Variants in LRRFIP1 observed in about 807,000 individuals in gnomAD.
LRRFIP1 encodes the protein leucine-rich repeat flightless-interacting protein 1.
A neutral mutation model predicts 104.4 loss-of-function variants in LRRFIP1; 62 were observed. The ratio of observed to expected loss-of-function variants is 0.59; its 90% CI spans 0.48 to 0.73. The LOEUF (loss-of-function observed/expected upper bound fraction) is 0.73. Among genes scored for constraint, LRRFIP1 ranks in the 30% least tolerant of loss-of-function variants. LRRFIP1 has a pLI of 0.00. For synonymous variants in LRRFIP1, 300 were observed against 299.0 expected, an observed-to-expected ratio of 1.00 and a Z score of -0.03; for missense variants, 796 against 824.5, an observed-to-expected ratio of 0.97 and a Z score of 0.42.
chr2:237,692,278 C>T, intron 1 of LRRFIP1: 1 of 1,173,984 alleles, frequency 8.5e-7, no homozygotes, highest in Non-Finnish European at 1.1e-6. Flanking sequence ...CCGAGCCCAG[C>T]GCCGCGAGCC....
chr2:237,730,745 C>T (rs1158286827), intron 8 of LRRFIP1, among the ~76,000 whole-genome samples: 6 of 152,244 alleles, frequency 3.9e-5, no homozygotes, highest in African/African-American at 1.4e-4. Flanking sequence ...GATGAAACCC[C>T]GTCTCTACTA....
intron 1 of LRRFIP1, among the ~76,000 whole-genome samples, chr2:237,628,967 C>T (rs2149219613): frequency 6.6e-6 from 1 of 152,330 alleles, no homozygotes; most frequent in African/African-American, 2.4e-5. Flanking sequence ...CTGTGACCTC[C>T]AGGAGACCTT....
chr2:237,651,761 A>T (rs1397586685), intron 1 of LRRFIP1, among the ~76,000 whole-genome samples: 1 of 152,272 alleles, frequency 6.6e-6, no homozygotes, highest in East Asian at 1.9e-4. Flanking sequence ...ATCTATTTTA[A>T]TAATATATTT....
At chr2:237,650,934 C>T (rs1433693782) in intron 1 of LRRFIP1, among the ~76,000 whole-genome samples, 1 of 152,134 alleles carries the variant, frequency 6.6e-6, no homozygotes, top group African/African-American at 2.4e-5. Flanking sequence ...CTGCTGGGCA[C>T]TCGGCCCTCA....
intron 16 of LRRFIP1, 93 bp downstream of exon 16, chr2:237,756,280 A>G (rs2059254914): frequency 1.2e-6 from 1 of 866,402 alleles, no homozygotes; most frequent in Non-Finnish European, 1.9e-6. Context: ...CAGTAATAAA[A>G]TACCATACAC....
rs1384110134 is a variant in LRRFIP1, at chr2:237,756,118, C to T, written c.1062C>T (p.Ala354=). 15 of 1,613,760 alleles carry T rather than the reference C, an allele frequency of 9.3e-6. No individual in the cohort carries two copies. The highest frequency in any genetic ancestry group is 1.3e-5 in the Non-Finnish European group (15 of 1,179,800). The change falls in exon 16 of 24, where the codon GCC becomes GCT. Residue 354 remains alanine (A), a synonymous_variant. Coordinates refer to ENST00000308482, the MANE Select transcript of LRRFIP1 (RefSeq NM_001137550.2). Reference sequence around the variant, plus strand: ...AGGAATTTGAAAGGGAAAAACACGCCCACAGTATACTGCAATTTCAGTTTG... The same window carrying T: ...AGGAATTTGAAAGGGAAAAACACGCTCACAGTATACTGCAATTTCAGTTTG... The part of the protein sequence containing the change: ...KNKEFEREKH[A]HSILQFQFAE...
At chr2:237,770,290 A>T (rs2060506393) in intron 20 of LRRFIP1, 1 of 309,156 alleles carries the variant, frequency 3.2e-6, no homozygotes, top group South Asian at 4.4e-5. Context: ...ATAAATGTTG[A>T]TTATTAATAA....
chr2:237,707,862 A>G (rs1343633195), intron 1 of LRRFIP1, among the ~76,000 whole-genome samples: 1 of 152,246 alleles, frequency 6.6e-6, no homozygotes, highest in East Asian at 1.9e-4. Context: ...AAGGACTCCA[A>G]CAGCTAGAAC....
intron 7 of LRRFIP1, among the ~76,000 whole-genome samples, chr2:237,724,857 G>A (rs1439417726): frequency 6.6e-6 from 1 of 151,922 alleles, no homozygotes; most frequent in Non-Finnish European, 1.5e-5. Context: ...AATGCATCAG[G>A]GATCGAACTC....
intron 1 of LRRFIP1, among the ~76,000 whole-genome samples, chr2:237,647,832 GC>G (rs2085221453): frequency 6.6e-6 from 1 of 151,920 alleles, no homozygotes; most frequent in Admixed American, 6.5e-5. Context: ...TCGCCCTGTG[GC>G]CGGCCACTCA....
intron 1 of LRRFIP1, among the ~76,000 whole-genome samples, chr2:237,683,090 C>A (rs1202381214): frequency 6.6e-6 from 1 of 152,196 alleles, no homozygotes; most frequent in Admixed American, 6.5e-5. Flanking sequence ...CAGCCGCCCA[C>A]GACAAGGAAC....
intron 14 of LRRFIP1, 103 bp from the exon 15 acceptor site, chr2:237,753,206 A>G (rs1287597539): frequency 2.6e-6 from 2 of 777,776 alleles, no homozygotes; most frequent in Non-Finnish European, 3.9e-6. Context: ...TAAGAAATAT[A>G]GTCTAAGTTT....
At chr2:237,632,005 C>T (rs1017897990) in intron 1 of LRRFIP1, among the ~76,000 whole-genome samples, 4 of 152,354 alleles carry the variant, frequency 2.6e-5, no homozygotes, top group South Asian at 2.1e-4. Flanking sequence ...CTGCCCCACC[C>T]GGCTGCTTCA....
intron 10 of LRRFIP1, among the ~76,000 whole-genome samples, chr2:237,738,957 C>T (rs931005225): frequency 4.6e-5 from 7 of 152,262 alleles, no homozygotes; most frequent in Admixed American, 6.5e-5. Context: ...TGTGACTGCA[C>T]ACCCAATTGA....
chr2:237,750,523 G>A (rs1197937648), intron 13 of LRRFIP1, among the ~76,000 whole-genome samples: 14 of 151,882 alleles, frequency 9.2e-5, no homozygotes, highest in African/African-American at 3.4e-4. Context: ...TTTTAGTGGA[G>A]ACGGGGTTTC....
intron 1 of LRRFIP1, chr2:237,692,247 C>T (rs895374979): frequency 3.0e-5 from 34 of 1,132,580 alleles, no homozygotes; most frequent in South Asian, 8.8e-5. Context: ...GCCACCTGCG[C>T]CCCGCCCCTG....
At chr2:237,642,364 C>T (rs1337651616) in intron 1 of LRRFIP1, among the ~76,000 whole-genome samples, 1 of 151,992 alleles carries the variant, frequency 6.6e-6, no homozygotes, top group Non-Finnish European at 1.5e-5. Context: ...GGTTCCCAGT[C>T]CCAGGTTCTA....
intron 8 of LRRFIP1, among the ~76,000 whole-genome samples, chr2:237,730,417 C>G (rs1438196169): frequency 2.0e-5 from 3 of 152,164 alleles, no homozygotes; most frequent in Non-Finnish European, 4.4e-5. Context: ...CACATTTACT[C>G]AGCAAAATTG....
At chr2:237,650,071 C>A (rs944411391) in intron 1 of LRRFIP1, among the ~76,000 whole-genome samples, 2 of 152,010 alleles carry the variant, frequency 1.3e-5, no homozygotes, top group Non-Finnish European at 2.9e-5. Flanking sequence ...AACTGCTGAG[C>A]AGACAGCTCT....
Sources: allele counts gnomAD v4.1 joint callset (sites outside exome capture counted in the v4.1 genomes callset), GRCh38; gene constraint gnomAD v4.1.1; transcripts MANE v1.5; gene names NCBI Gene and HGNC (gene_info 2026-07-23, HGNC 2026-07-21).